SLC5A5: variants seen among roughly 807,000 people sequenced by gnomAD.
SLC5A5 encodes the protein solute carrier family 5 member 5.
SLC5A5 carries 56 observed loss-of-function variants against 68.6 expected under a neutral mutation model. That is an observed-to-expected ratio of 0.82 (90% confidence interval 0.66 to 1.02). The LOEUF (loss-of-function observed/expected upper bound fraction) is 1.02, where lower values mean the gene tolerates loss of function less well. Among genes scored for constraint, SLC5A5 ranks in the 50% least tolerant of loss-of-function variants. The pLI, the probability that SLC5A5 is intolerant of heterozygous loss-of-function variation, is 0.00. For synonymous variants in SLC5A5, 398 were observed against 373.0 expected, an observed-to-expected ratio of 1.07 and a Z score of -0.77; for missense variants, 807 against 859.8, an observed-to-expected ratio of 0.94 and a Z score of 0.77.
At chr19:17,888,617 T>TATTATTATC (rs912486670) in intron 13 of SLC5A5, among the ~76,000 whole-genome samples, 162 bp downstream of exon 13, 18 of 131,494 alleles carry the variant, frequency 1.4e-4, no homozygotes, top group South Asian at 4.5e-4. Flanking sequence ...TTATTATTAT[T>TATTATTATC]ATCATCATCA....
intron 1 of SLC5A5, 59 bp from the exon 2 acceptor site, chr19:17,874,079 C>A: frequency 7.3e-6 from 9 of 1,235,626 alleles, no homozygotes; most frequent in Non-Finnish European, 1.1e-5. Flanking sequence ...ACCAGGGACC[C>A]GAGAGGCCTC....
At chr19:17,887,438 G>A (rs1302955138) in intron 12 of SLC5A5, among the ~76,000 whole-genome samples, 1 of 151,858 alleles carries the variant, frequency 6.6e-6, no homozygotes. Context: ...GTGACTACAG[G>A]TGCACACCAC....
At position 17,877,978 on chromosome 19, in the gene SLC5A5, A is replaced by G; in HGVS notation, c.854A>G (p.Asn285Ser). 1.2e-6 allele frequency: 2 copies of G among 1,613,444 alleles called. No homozygotes were observed. The highest frequency in any genetic ancestry group is 1.7e-6 in the Non-Finnish European group (2 of 1,180,002). ...TCTTCCCCCAGGGCCCTGCTCATCA[A>G]CCAGGTCGGCCTGTTCCTGATCGTG... ...EKQAKLALLI[N>S]QVGLFLIVSS... Residue 285 changes from asparagine to serine, a missense_variant, in exon 7 of 15, where the codon AAC becomes AGC. Asn to Ser is a conservative substitution (Grantham distance 46). Transcript: ENST00000222248.
At chr19:17,879,533 C>T (rs373509071) in intron 7 of SLC5A5, among the ~76,000 whole-genome samples, 12 of 152,018 alleles carry the variant, frequency 7.9e-5, no homozygotes, top group South Asian at 6.2e-4. Flanking sequence ...AATTGAGGCT[C>T]GGGGGGAAGT....
rs1454813188 is a variant in SLC5A5, at chr19:17,880,942, T to G, written c.1047T>G (p.Ser349Arg). 2 of 1,613,288 alleles carry G rather than the reference T, an allele frequency of 1.2e-6. No homozygotes were observed. The highest frequency in any genetic ancestry group is 2.2e-5 in the East Asian group (1 of 44,874). Residue 349 changes from serine (S) to arginine (R), a missense_variant, in exon 8 of 15, where the codon AGT (serine) becomes AGG (arginine). Coordinates refer to ENST00000222248, the MANE Select transcript of SLC5A5 (RefSeq NM_000453.3). ...VPGLFLACAY[S>R]GTLSTASTSI... Reference sequence around the variant, plus strand: ...GGCTTTTCCTGGCCTGTGCTTACAGTGGCACCCTCAGGTGAGCACCCCTGC... The same window carrying G: ...GGCTTTTCCTGGCCTGTGCTTACAGGGGCACCCTCAGGTGAGCACCCCTGC...
rs1568422161 is a variant in SLC5A5 at position 17,880,855 on chromosome 19, T to C, written c.970-10T>C. The C allele has an allele frequency of 1.9e-6, 3 of 1,609,660 alleles. No individual in the cohort carries two copies. Among genetic ancestry groups the C allele is most frequent in the Non-Finnish European group, 1.7e-6 (2 of 1,176,714 alleles). ...AGCTGTCTGGGAGGCTGACCCCCAG[T>C]TCTCCCCAGTACATGCCTCTGCTGG... is the stretch of plus-strand genomic sequence containing the variant. On this transcript the variant is annotated splice_polypyrimidine_tract_variant and intron_variant, in intron 7 of 14. Transcript: ENST00000222248.
At position 17,888,469 on chromosome 19, in the gene SLC5A5, G is replaced by C; in HGVS notation, c.1651+14G>C. On this transcript the variant is annotated intron_variant, in intron 13 of 14. Coordinates refer to ENST00000222248, the MANE Select transcript of SLC5A5 (RefSeq NM_000453.3). ...GCTGCCTGACAGGTAGGTAAACAGA[G>C]CATGTGGCCTCAGAGGTCATCCCAT... 6.2e-7 allele frequency: 1 copy of C among 1,613,390 alleles called. No individual in the cohort carries two copies. The highest frequency in any genetic ancestry group is 8.5e-7 in the Non-Finnish European group (1 of 1,179,938).
chr19:17,888,005 C>G (rs1036144362), intron 12 of SLC5A5, among the ~76,000 whole-genome samples: 1 of 152,074 alleles, frequency 6.6e-6, no homozygotes, highest in Non-Finnish European at 1.5e-5. Flanking sequence ...CACGAAGATT[C>G]CCACCTATGT....
chr19:17,874,101 A>T (rs776907503), intron 1 of SLC5A5, 37 bp from the exon 2 acceptor site: 116 of 1,505,580 alleles, frequency 7.7e-5, no homozygotes, highest in Non-Finnish European at 8.0e-5. Flanking sequence ...GCTCCTGGGT[A>T]AGGACTGTCC....
intron 5 of SLC5A5, among the ~76,000 whole-genome samples, chr19:17,877,341 G>A (rs951523811): frequency 1.2e-4 from 18 of 147,284 alleles, no homozygotes; most frequent in Non-Finnish European, 1.8e-4. Flanking sequence ...ATGGAGTCTC[G>A]CTCTGTCACC....
intron 5 of SLC5A5, among the ~76,000 whole-genome samples, chr19:17,877,395 C>T (rs1027616758): frequency 7.2e-5 from 11 of 151,918 alleles, no homozygotes; most frequent in East Asian, 1.9e-4. Flanking sequence ...CTGCAACCTC[C>T]GCCTCCTGGG....
intron 7 of SLC5A5, among the ~76,000 whole-genome samples, chr19:17,878,993 A>AC (rs2094314465): frequency 1.3e-5 from 2 of 149,728 alleles, no homozygotes; most frequent in African/African-American, 4.9e-5. Flanking sequence ...AAAAAACAAA[A>AC]AAAAAAAACC....
Position 17,880,903 on chromosome 19 carries a change from G to T in SLC5A5, c.1008G>T (p.Leu336=). 6.2e-7 allele frequency: 1 copy of T among 1,614,008 alleles called. No individual in the cohort carries two copies. Among genetic ancestry groups the T allele is most frequent in the South Asian group, 1.1e-5 (1 of 91,078 alleles). The part of the protein sequence containing the change: ...PLLVLDIFED[L]PGVPGLFLAC... ...TGGTGCTGGACATCTTCGAAGATCT[G>T]CCTGGAGTCCCCGGGCTTTTCCTGG... The change falls in exon 8 of 15, where the codon CTG becomes CTT. Residue 336 remains leucine (L), a synonymous_variant. Transcript: ENST00000222248.
chr19:17,888,832 A>G (rs1430604144), intron 13 of SLC5A5, among the ~76,000 whole-genome samples: 1 of 151,188 alleles, frequency 6.6e-6, no homozygotes, highest in Non-Finnish European at 1.5e-5. Context: ...GAGTTTCGCC[A>G]TGTGTCTCGA....
chr19:17,881,232 T>C (rs2147740240), intron 8 of SLC5A5, among the ~76,000 whole-genome samples: 1 of 152,068 alleles, frequency 6.6e-6, no homozygotes, highest in African/African-American at 2.4e-5. Context: ...CCCAGACAAA[T>C]ATTTGTTGAA....
rs1211140912 is a variant in SLC5A5, at chr19:17,882,843, C to T, written c.1242+624C>T. On this transcript the variant is annotated intron_variant, in intron 10 of 14. Coordinates refer to ENST00000222248, the MANE Select transcript of SLC5A5 (RefSeq NM_000453.3). ...GGACTACAAGCGCCCGCCACCACGC[C>T]TGACTAATTTTTTGTATTTTTAGTA... Among the ~76,000 whole-genome samples the T allele has an allele frequency of 8.5e-5, 13 of 152,216 alleles. No homozygotes were observed. In the East Asian group the frequency reaches 2.3e-3, roughly 27 times the overall value.
intron 14 of SLC5A5, 73 bp from the exon 15 acceptor site, chr19:17,893,640 G>A (rs1283516736): frequency 6.9e-7 from 1 of 1,455,658 alleles, no homozygotes; most frequent in Admixed American, 1.7e-5. Flanking sequence ...TAGCCCATCT[G>A]GGAGATGAGC....
At chr19:17,893,484 G>A (rs1244195268) in intron 14 of SLC5A5, among the ~76,000 whole-genome samples, 3 of 152,150 alleles carry the variant, frequency 2.0e-5, no homozygotes, top group South Asian at 2.1e-4. Context: ...CTGAGAAAGC[G>A]TTGATGGCCT....
rs961844277 is a variant in SLC5A5, at chr19:17,874,857, T to C, written c.543+126T>C. ...TCCCAGCTGGGACCCAGTGTCCTCATCTTTATAGTGAAAAATGATCTGAAA... is the reference window on the plus strand; with the variant it reads ...TCCCAGCTGGGACCCAGTGTCCTCACCTTTATAGTGAAAAATGATCTGAAA... On this transcript the variant is annotated intron_variant, in intron 4 of 14. Transcript: ENST00000222248. 1.6e-5 allele frequency: 14 copies of C among 853,886 alleles called. No individual in the cohort carries two copies. The African/African-American group carries it at 2.4e-4, about 15-fold the overall frequency. The allele number at this position is 853,886 out of a possible 1,614,324, so 52.9% of individuals were successfully genotyped here. A position where few individuals can be genotyped will look rare whatever the true frequency, so the allele number is the denominator to read the frequency against.
Sources: allele counts gnomAD v4.1 joint callset (sites outside exome capture counted in the v4.1 genomes callset), GRCh38; gene constraint gnomAD v4.1.1; transcripts MANE v1.5; gene names NCBI Gene and HGNC (gene_info 2026-07-23, HGNC 2026-07-21).